The following ATAD1 variants were observed in gnomAD, a reference collection of about 807,000 sequenced individuals.
ATAD1 encodes the protein ATPase family AAA domain containing 1, also known as outer mitochondrial transmembrane helix translocase.
Under a neutral mutation model 42.7 loss-of-function variants are expected in ATAD1, and 18 were observed. The observed-to-expected ratio is 0.42, with a 90% confidence interval of 0.29 to 0.63. ATAD1 has a LOEUF of 0.63. Ranked by LOEUF, ATAD1 falls within the 20% of genes least tolerant of loss-of-function variation. ATAD1 has a pLI of 0.19. For synonymous variants in ATAD1, 132 were observed against 143.1 expected (o/e 0.92, Z 0.55); for missense variants, 294 against 440.4 (o/e 0.67, Z 2.98).
At position 87,829,404 on chromosome 10, in the gene ATAD1, T is replaced by C. The variant is rs186096029; in HGVS notation, c.-14+11783A>G. Among the ~76,000 whole-genome samples, 1,428 of 152,062 alleles carry C rather than the reference T, an allele frequency of 9.4e-3. 25 individuals are homozygous for C. Among genetic ancestry groups the C allele is most frequent in the African/African-American group, 0.032 (1,343 of 41,466 alleles). The stretch of plus-strand genomic sequence containing the variant: ...CTGAGTAGTTGGGACTACAGGCACG[T>C]GCCACGATGCCCAGCTAATTTTTTG... On this transcript the variant is annotated intron_variant, in intron 1 of 4. Coordinates refer to the ATAD1 transcript ENST00000495903.
At chr10:87,765,389 CAGGT>C (rs1854692688) in intron 8 of ATAD1, among the ~76,000 whole-genome samples, 1 of 145,058 alleles carries the variant, frequency 6.9e-6, no homozygotes, top group Non-Finnish European at 1.5e-5. Flanking sequence ...TTTGGGAAAA[CAGGT>C]AGCAAGAGTT....
chr10:87,795,620 ACCC>A (rs1856349784), intron 2 of ATAD1, among the ~76,000 whole-genome samples: 1 of 151,718 alleles, frequency 6.6e-6, no homozygotes, highest in East Asian at 1.9e-4. Flanking sequence ...ATGATTTTCT[ACCC>A]TTTCACACTA....
chr10:87,831,610 A>C (rs897327574), intron 1 of ATAD1, among the ~76,000 whole-genome samples: 1 of 152,208 alleles, frequency 6.6e-6, no homozygotes, highest in Non-Finnish European at 1.5e-5. Flanking sequence ...TCCATGCTGT[A>C]CCAGTCACAA....
intron 1 of ATAD1, among the ~76,000 whole-genome samples, chr10:87,817,497 C>T (rs938364778): frequency 3.9e-5 from 6 of 152,220 alleles, no homozygotes; most frequent in African/African-American, 1.4e-4. Context: ...TGAAATCGTA[C>T]TACCTCATCT....
chr10:87,787,932 T>C (rs555545465), intron 4 of ATAD1, among the ~76,000 whole-genome samples: 12 of 152,224 alleles, frequency 7.9e-5, no homozygotes, highest in Non-Finnish European at 1.5e-4. Flanking sequence ...TGTAATAAAA[T>C]TTATATACCA....
chr10:87,780,807 C>T (rs1008144425), intron 5 of ATAD1, among the ~76,000 whole-genome samples: 5 of 152,156 alleles, frequency 3.3e-5, no homozygotes, highest in African/African-American at 1.2e-4. Context: ...TACATACAGG[C>T]TGAAGCCAAG....
At chr10:87,794,231 A>G (rs1856270062) in intron 2 of ATAD1, among the ~76,000 whole-genome samples, 1 of 152,172 alleles carries the variant, frequency 6.6e-6, no homozygotes, top group Non-Finnish European at 1.5e-5. Flanking sequence ...AGAATTTTTA[A>G]AAAGTGCTAT....
intron 4 of ATAD1, among the ~76,000 whole-genome samples, chr10:87,785,973 T>C (rs911956010): frequency 3.3e-5 from 5 of 152,206 alleles, no homozygotes; most frequent in Non-Finnish European, 5.9e-5. Flanking sequence ...ATGTTAATTG[T>C]ATTTTCAAGC....
intron 5 of ATAD1, among the ~76,000 whole-genome samples, chr10:87,780,075 T>C (rs540519892): frequency 4.8e-4 from 73 of 152,284 alleles, no homozygotes; most frequent in African/African-American, 1.6e-3. Flanking sequence ...GTCATTTTAA[T>C]AGACGAATGG....
intron 1 of ATAD1, among the ~76,000 whole-genome samples, chr10:87,823,649 C>T (rs921317808): frequency 6.6e-6 from 1 of 152,166 alleles, no homozygotes; most frequent in East Asian, 1.9e-4. Flanking sequence ...TGTTAATTCT[C>T]AATTCCTGTA....
At chr10:87,793,975 A>G (rs1285656459) in intron 2 of ATAD1, among the ~76,000 whole-genome samples, 1 of 152,100 alleles carries the variant, frequency 6.6e-6, no homozygotes, top group Non-Finnish European at 1.5e-5. Context: ...GGGGGCTCCC[A>G]GCACTTTGGA....
At chr10:87,770,890 A>G in intron 7 of ATAD1, 62 bp downstream of exon 7, 1 of 1,418,834 alleles carries the variant, frequency 7.0e-7, no homozygotes, top group South Asian at 1.2e-5. Flanking sequence ...TTAAAATTAA[A>G]GGTGAAGACC....
chr10:87,792,811 T>A lies in ATAD1; in HGVS notation c.163-56A>T. On this transcript the variant is annotated intron_variant, in intron 2 of 9. Transcript: ENST00000680024. Reference sequence around the variant, plus strand: ...GATTTGATATTTAGATACTGGCACTTCGAAATAGATATATGTGAAGTCTAA... The same window carrying A: ...GATTTGATATTTAGATACTGGCACTACGAAATAGATATATGTGAAGTCTAA... The A allele has an allele frequency of 2.4e-6, 3 of 1,267,538 alleles. No individual in the cohort carries two copies. In the South Asian group the frequency reaches 3.6e-5, roughly 15 times the overall value. 78.5% of individuals were successfully genotyped at this position (1,267,538 alleles called of 1,614,324 possible).
At chr10:87,770,099 G>A (rs1381927313) in intron 7 of ATAD1, among the ~76,000 whole-genome samples, 1 of 152,118 alleles carries the variant, frequency 6.6e-6, no homozygotes, top group East Asian at 1.9e-4. Flanking sequence ...GTTGATCAGA[G>A]TAATTTTATA....
In ATAD1 at chr10:87,787,954, C is replaced by T. The variant is rs114837614; in HGVS notation, c.382+2356G>A. Among the ~76,000 whole-genome samples the T allele has an allele frequency of 1.9e-3, 291 of 152,028 alleles. 2 individuals are homozygous for T. Among genetic ancestry groups the T allele is most frequent in the African/African-American group, 6.8e-3 (283 of 41,484 alleles). ...AAATTTATATACCAAAATAACAATA[C>T]AGAATTCAGAAAGTTTACAGAGGAA... On this transcript the variant is annotated intron_variant, in intron 4 of 9. Transcript: ENST00000680024.
At chr10:87,816,740 CCA>C (rs1857432922) in intron 1 of ATAD1, among the ~76,000 whole-genome samples, 1 of 152,168 alleles carries the variant, frequency 6.6e-6, no homozygotes, top group African/African-American at 2.4e-5. Flanking sequence ...AGTCTTTATT[CCA>C]CAAAGTTGAA....
chr10:87,777,128 A>C (rs192697639), intron 5 of ATAD1, among the ~76,000 whole-genome samples: 17 of 152,322 alleles, frequency 1.1e-4, no homozygotes, highest in Admixed American at 3.3e-4. Flanking sequence ...TGTAAGAAAA[A>C]TGAAGGATCT....
chr10:87,760,646 T>C (rs1274492778), intron 8 of ATAD1, among the ~76,000 whole-genome samples: 1 of 152,146 alleles, frequency 6.6e-6, no homozygotes, highest in African/African-American at 2.4e-5. Context: ...GGAGGATCAC[T>C]TGAGCCAAGG....
At chr10:87,798,819 G>A (rs1856542127) in intron 2 of ATAD1, among the ~76,000 whole-genome samples, 1 of 151,954 alleles carries the variant, frequency 6.6e-6, no homozygotes, top group South Asian at 2.1e-4. Flanking sequence ...GCAAATTAAA[G>A]GCTATTTAGC....
Sources: gnomAD v4.1 joint callset for allele counts (sites outside exome capture counted in the v4.1 genomes callset) on GRCh38, gnomAD v4.1.1 for gene constraint, MANE v1.5 for transcripts, NCBI Gene and HGNC (gene_info 2026-07-23, HGNC 2026-07-21) for gene names.